Variants in NCOA7 observed in about 807,000 individuals in gnomAD.
NCOA7 encodes 140 kDa estrogen receptor-associated protein.
NCOA7 carries 45 observed loss-of-function variants against 104.3 expected under a neutral mutation model. That is an observed-to-expected ratio of 0.43 (90% CI 0.34 to 0.55). NCOA7 has a LOEUF of 0.55. Among genes scored for constraint, NCOA7 ranks in the 20% least tolerant of loss-of-function variants. The probability of loss-of-function intolerance (pLI) is 0.02; values close to 1 mark genes in which losing one functional copy is unlikely to be tolerated. For synonymous variants in NCOA7, 398 were observed against 402.3 expected (o/e 0.99, Z 0.13); for missense variants, 1,041 against 1,119.7 (o/e 0.93, Z 1.00).
chr6:125,783,000 C>G (rs1454771802), intron 1 of NCOA7, among the ~76,000 whole-genome samples: 1 of 152,148 alleles, frequency 6.6e-6, no homozygotes, highest in East Asian at 1.9e-4. Flanking sequence ...GTGCAAAAGA[C>G]TCATCTGGCC....
intron 13 of NCOA7, among the ~76,000 whole-genome samples, chr6:125,924,859 G>A (rs763026355): frequency 6.6e-6 from 1 of 152,118 alleles, no homozygotes; most frequent in Non-Finnish European, 1.5e-5. Context: ...AAGGGTTATG[G>A]TGTACCCTCT....
rs1480973512 is a variant in NCOA7 at position 125,794,281 on chromosome 6, G to C, written c.-65+3214G>C. ...TACTTACCCTGAACAACTTGTGTGT[G>C]TGTGTTTGTGTGTGTTCTTTTCATC... is the stretch of plus-strand genomic sequence containing the variant. On this transcript the variant is annotated intron_variant, in intron 1 of 15. Coordinates refer to ENST00000392477, the MANE Select transcript of NCOA7 (RefSeq NM_181782.5). Among the ~76,000 whole-genome samples, 8 of 152,176 alleles carry C rather than the reference G, an allele frequency of 5.3e-5. No individual in the cohort carries two copies. In the East Asian group the frequency reaches 1.5e-3, roughly 29 times the overall value.
At chr6:125,884,463 G>A (rs1784100823) in intron 7 of NCOA7, among the ~76,000 whole-genome samples, 1 of 152,158 alleles carries the variant, frequency 6.6e-6, no homozygotes, top group South Asian at 2.1e-4. Flanking sequence ...GAAGTTATCT[G>A]TATCCTGCTG....
At chr6:125,862,028 ACT>A (rs1434816348) in intron 3 of NCOA7, among the ~76,000 whole-genome samples, 1 of 97,512 alleles carries the variant, frequency 1.0e-5, no homozygotes, top group Non-Finnish European at 2.0e-5. Context: ...CAAGAGTGAA[ACT>A]CTTTCTCAAA....
intron 8 of NCOA7, among the ~76,000 whole-genome samples, chr6:125,885,682 A>G (rs1379940518): frequency 1.3e-5 from 2 of 152,246 alleles, no homozygotes; most frequent in Admixed American, 6.5e-5. Context: ...CCAATTATCA[A>G]TAAGAGAATA....
chr6:125,848,733 G>A (rs1780851804), intron 2 of NCOA7, among the ~76,000 whole-genome samples: 1 of 152,078 alleles, frequency 6.6e-6, no homozygotes, highest in Admixed American at 6.6e-5. Context: ...AACCAACATG[G>A]CACATGTATA....
At chr6:125,816,173 A>T (rs1777576915) in intron 2 of NCOA7, among the ~76,000 whole-genome samples, 1 of 152,168 alleles carries the variant, frequency 6.6e-6, no homozygotes, top group South Asian at 2.1e-4. Flanking sequence ...AGATGCATTT[A>T]TTATTTTCTA....
upstream of NCOA7, among the ~76,000 whole-genome samples, chr6:125,789,887 A>G (rs182931840): frequency 3.0e-4 from 45 of 152,252 alleles, no homozygotes; most frequent in African/African-American, 1.1e-3. Flanking sequence ...CTTCCTTGGG[A>G]TATTTTTCTG....
intron 1 of NCOA7, among the ~76,000 whole-genome samples, chr6:125,795,929 C>G (rs1171560328): frequency 1.3e-5 from 2 of 152,134 alleles, no homozygotes; most frequent in Non-Finnish European, 2.9e-5. Flanking sequence ...TGTGGACCCC[C>G]AAGTTAAACA....
chr6:125,821,057 G>A (rs572985041), intron 2 of NCOA7, among the ~76,000 whole-genome samples: 31 of 152,216 alleles, frequency 2.0e-4, no homozygotes, highest in African/African-American at 5.8e-4. Context: ...CATGTCAAGC[G>A]GCGTGCCAGT....
At chr6:125,870,723 T>C (rs1303737464) in intron 3 of NCOA7, among the ~76,000 whole-genome samples, 1 of 152,134 alleles carries the variant, frequency 6.6e-6, no homozygotes, top group African/African-American at 2.4e-5. Flanking sequence ...GGAGTCTTCT[T>C]TCTGTAAACT....
In NCOA7 at chr6:125,927,073, C is replaced by T. The variant is rs116769919; in HGVS notation, c.2524-590C>T. On this transcript the variant is annotated intron_variant, in intron 13 of 15. Transcript: ENST00000392477. ...TGATCTAAATAACTCCATGATATTA[C>T]GGGGTTATTTGTTTCTTAAAAGTCA... 2.8e-3 allele frequency among the ~76,000 whole-genome samples: 424 copies of T among 152,222 alleles called. 1 individual carries two copies. The highest frequency in any genetic ancestry group is 9.6e-3 in the African/African-American group (400 of 41,546).
At chr6:125,914,649 C>A (rs1210883023) in intron 10 of NCOA7, among the ~76,000 whole-genome samples, 1 of 152,054 alleles carries the variant, frequency 6.6e-6, no homozygotes, top group African/African-American at 2.4e-5. Flanking sequence ...ATAGTATGAA[C>A]CTTGGAGGAT....
intron 8 of NCOA7, among the ~76,000 whole-genome samples, chr6:125,885,889 A>T (rs1374783949): frequency 6.6e-6 from 1 of 152,190 alleles, no homozygotes; most frequent in East Asian, 1.9e-4. Context: ...ATACAGATGA[A>T]TATAACTTCA....
intron 1 of NCOA7, among the ~76,000 whole-genome samples, chr6:125,781,738 G>A (rs1774234912): frequency 6.6e-6 from 1 of 152,096 alleles, no homozygotes; most frequent in South Asian, 2.1e-4. Flanking sequence ...AGTACAAAAG[G>A]GTATGGTGAA....
At chr6:125,912,473 G>C (rs1786661901) in intron 10 of NCOA7, among the ~76,000 whole-genome samples, 2 of 152,216 alleles carry the variant, frequency 1.3e-5, no homozygotes, top group Non-Finnish European at 2.9e-5. Context: ...AAAAGACAGT[G>C]AGAGATAAAA....
rs559864382 is a variant in NCOA7 at position 125,930,986 on chromosome 6, C to T, written c.*2215C>T. ...ATAATTGTGAGAGCATATCCAGATG[C>T]TGTGTTCTCTATGTAAAACAGTATT... On this transcript the variant is annotated 3_prime_UTR_variant, in exon 16 of 16. Transcript: ENST00000392477. 1.3e-5 allele frequency: 2 copies of T among 152,772 alleles called. No individual in the cohort carries two copies. The highest frequency in any genetic ancestry group is 4.1e-4 in the South Asian group (2 of 4,834). 9.5% of individuals were successfully genotyped at this position (152,772 alleles called of 1,614,324 possible). A position where few individuals can be genotyped will look rare whatever the true frequency, so the allele number is the denominator to read the frequency against.
intron 1 of NCOA7, among the ~76,000 whole-genome samples, chr6:125,792,009 G>GTA (rs57808907): frequency 0.12 from 18,223 of 152,054 alleles, 1,451 homozygotes; most frequent in African/African-American, 0.23. Context: ...AGTCACTTAG[G>GTA]TATAGAGATT....
Position 125,813,861 on chromosome 6 carries a change from TG to T in NCOA7, c.-64-1429del, listed in dbSNP as rs538155195. Among the ~76,000 whole-genome samples, 356 of 152,318 alleles carry T rather than the reference TG, an allele frequency of 2.3e-3. 3 individuals carry two copies. Among genetic ancestry groups the T allele is most frequent in the South Asian group, 3.5e-3 (17 of 4,826 alleles). On this transcript the variant is annotated intron_variant, in intron 1 of 15. Coordinates refer to ENST00000392477, the MANE Select transcript of NCOA7 (RefSeq NM_181782.5). ...AATTGGCAAATAGAAATTATATATA[TG>T]TTTTTTTAATGATATTTTGAAAATA... is the stretch of plus-strand genomic sequence containing the variant.
Sources: allele counts gnomAD v4.1 joint callset (sites outside exome capture counted in the v4.1 genomes callset), GRCh38; gene constraint gnomAD v4.1.1; transcripts MANE v1.5; gene names NCBI Gene and HGNC (gene_info 2026-07-23, HGNC 2026-07-21).